The following WSCD2 variants were observed in gnomAD, a reference collection of about 807,000 sequenced individuals.
WSCD2 encodes sialate:O-sulfotransferase 2.
A neutral mutation model predicts 55.7 loss-of-function variants in WSCD2; 28 were observed. The observed-to-expected ratio is 0.50, with a 90% CI of 0.37 to 0.69. WSCD2 has a LOEUF of 0.69. Ranked by LOEUF, WSCD2 falls within the 30% of genes least tolerant of loss-of-function variation. The pLI, the probability that WSCD2 is intolerant of heterozygous loss-of-function variation, is 0.00. For synonymous variants in WSCD2, 301 were observed against 301.9 expected (o/e 1.00, Z 0.03); for missense variants, 616 against 762.1 (o/e 0.81, Z 2.26).
chr12:108,139,602 C>G (rs988642063), intron 1 of WSCD2, among the ~76,000 whole-genome samples: 1 of 152,214 alleles, frequency 6.6e-6, no homozygotes, highest in Non-Finnish European at 1.5e-5. Context: ...GGACAAGTGT[C>G]TTAACCCCTG....
At chr12:108,160,469 G>A (rs909088411) in intron 1 of WSCD2, among the ~76,000 whole-genome samples, 32 of 152,158 alleles carry the variant, frequency 2.1e-4, no homozygotes, top group African/African-American at 7.2e-4. Context: ...TACAGTCATA[G>A]CAGAAGGCAA....
At chr12:108,138,732 C>T (rs338166) in intron 1 of WSCD2, among the ~76,000 whole-genome samples, 75,101 of 152,128 alleles carry the variant, frequency 0.49, 19,714 homozygotes, top group East Asian at 0.81. Flanking sequence ...AATAAGTTTT[C>T]TCTTTGAACT....
At position 108,248,313 on chromosome 12, in the gene WSCD2, G is replaced by A. The variant is rs368931933; in HGVS notation, c.1668G>A (p.Thr556=). The change falls in exon 9 of 9, where the codon ACG becomes ACA. Residue 556 remains threonine (T), a synonymous_variant. Coordinates refer to ENST00000547525, the MANE Select transcript of WSCD2 (RefSeq NM_014653.4). The surrounding 1 kb of genome is among the most constrained non-coding windows in gnomAD (Gnocchi z 4.3). ...VDAALKGRNL[T]GVPDDYYPR ...CAGCCCTCAAAGGGCGGAACCTAAC[G>A]GGTGTCCCCGATGACTACTACCCAA... 2.4e-5 allele frequency: 38 copies of A among 1,613,686 alleles called. No individual in the cohort carries two copies. Among genetic ancestry groups the A allele is most frequent in the African/African-American group, 1.2e-4 (9 of 74,930 alleles).
At position 108,248,325 on chromosome 12, in the gene WSCD2, T is replaced by A; in HGVS notation, c.1680T>A (p.Asp560Glu). The change falls in exon 9 of 9, where the codon GAT (aspartate) becomes GAA (glutamate). Residue 560 changes from aspartate to glutamate, a missense_variant. Physicochemically the swap from Asp to Glu is conservative, Grantham distance 45. This residue lies in a region of WSCD2 where 234 missense variants were observed against 264.6 expected (regional missense o/e 0.88). Coordinates refer to ENST00000547525, the MANE Select transcript of WSCD2 (RefSeq NM_014653.4). The surrounding 1 kb of genome is among the most constrained non-coding windows in gnomAD (Gnocchi z 4.3). The stretch of plus-strand genomic sequence containing the variant: ...GGCGGAACCTAACGGGTGTCCCCGA[T>A]GACTACTACCCAAGATGATGCGTCC... Reference protein sequence around the residue: ...LKGRNLTGVPDDYYPR With the variant: ...LKGRNLTGVPEDYYPR The A allele has an allele frequency of 6.2e-7, 1 of 1,613,452 alleles. No individual in the cohort carries two copies.
chr12:108,217,333 T>C (rs1194516337), intron 4 of WSCD2, among the ~76,000 whole-genome samples: 1 of 152,186 alleles, frequency 6.6e-6, no homozygotes, highest in Non-Finnish European at 1.5e-5. Flanking sequence ...AGCCAAGAGA[T>C]TCCCTAGCCA....
chr12:108,190,527 G>A (rs370144922), intron 1 of WSCD2, among the ~76,000 whole-genome samples: 1 of 152,062 alleles, frequency 6.6e-6, no homozygotes, highest in African/African-American at 2.4e-5. Context: ...AACCTGGAAG[G>A]GGGAGGCATA....
chr12:108,133,081 G>A (rs935654969), intron 1 of WSCD2, among the ~76,000 whole-genome samples: 1 of 152,112 alleles, frequency 6.6e-6, no homozygotes, highest in African/African-American at 2.4e-5. Context: ...GTGGGTGTGT[G>A]ACTGTGTGTA....
intron 1 of WSCD2, among the ~76,000 whole-genome samples, chr12:108,147,771 T>C (rs1877555624): frequency 2.0e-5 from 3 of 151,628 alleles, no homozygotes; most frequent in Non-Finnish European, 2.9e-5. Flanking sequence ...CCCAGCTTCT[T>C]GGGGAGCTGA....
intron 1 of WSCD2, among the ~76,000 whole-genome samples, chr12:108,169,226 T>C (rs1293964822): frequency 6.6e-6 from 1 of 152,210 alleles, no homozygotes; most frequent in South Asian, 2.1e-4. Context: ...TGATTCTACA[T>C]TGTGGTGAAT....
chr12:108,151,000 C>G (rs1877942030), intron 1 of WSCD2, among the ~76,000 whole-genome samples: 1 of 151,972 alleles, frequency 6.6e-6, no homozygotes, highest in Non-Finnish European at 1.5e-5. Context: ...ACGCCCTGGC[C>G]CCTTGGTGCC....
intron 7 of WSCD2, among the ~76,000 whole-genome samples, chr12:108,236,579 T>G (rs984036752): frequency 3.4e-5 from 5 of 146,442 alleles, no homozygotes; most frequent in African/African-American, 1.0e-4. Flanking sequence ...TCTCTCTCTC[T>G]CATTCTCTCT....
intron 4 of WSCD2, among the ~76,000 whole-genome samples, chr12:108,223,806 G>A (rs914916737): frequency 2.0e-5 from 3 of 152,184 alleles, no homozygotes; most frequent in African/African-American, 7.2e-5. Context: ...GACATTGGAA[G>A]CTAGGATAGA....
At position 108,227,174 on chromosome 12, in the gene WSCD2, G is replaced by A. The variant is rs1459657894; in HGVS notation, c.979+10G>A. On this transcript the variant is annotated intron_variant, in intron 6 of 8. Transcript: ENST00000547525. ...CAGACACAAGTCCAAGGTGAGCTAG[G>A]CCCTTCCCCAGTGGACCCCAGATGC... 3.7e-6 allele frequency: 6 copies of A among 1,609,576 alleles called. No individual in the cohort carries two copies. The highest frequency in any genetic ancestry group is 1.7e-5 in the Admixed American group (1 of 59,594).
At chr12:108,179,756 T>A (rs1317681874) in intron 1 of WSCD2, among the ~76,000 whole-genome samples, 1 of 152,248 alleles carries the variant, frequency 6.6e-6, no homozygotes, top group Non-Finnish European at 1.5e-5. Context: ...CTGCCACTTA[T>A]GACCTGCGTC....
intron 7 of WSCD2, among the ~76,000 whole-genome samples, chr12:108,239,190 CA>C (rs1889508897): frequency 6.6e-6 from 1 of 152,208 alleles, no homozygotes; most frequent in Non-Finnish European, 1.5e-5. Flanking sequence ...ATTCTCTCTG[CA>C]GTCACTCATA....
At chr12:108,245,065 T>C (rs1452328547) in intron 8 of WSCD2, among the ~76,000 whole-genome samples, 2 of 152,200 alleles carry the variant, frequency 1.3e-5, no homozygotes, top group Non-Finnish European at 2.9e-5. Flanking sequence ...TGTTTTTATG[T>C]AACAATTTCT....
chr12:108,208,195 T>C (rs765763746), intron 3 of WSCD2, among the ~76,000 whole-genome samples: 2 of 152,142 alleles, frequency 1.3e-5, no homozygotes, highest in African/African-American at 2.4e-5. Context: ...TCCCATCTGG[T>C]TGGGGAGATA....
At chr12:108,145,978 G>A (rs1451895025) in intron 1 of WSCD2, among the ~76,000 whole-genome samples, 1 of 152,148 alleles carries the variant, frequency 6.6e-6, no homozygotes, top group Non-Finnish European at 1.5e-5. Context: ...TAAAAACAAG[G>A]AAGAAATTAC....
In WSCD2 at chr12:108,224,800, C is replaced by T. The variant is rs570091541; in HGVS notation, c.744C>T (p.Pro248=). The part of the protein sequence containing the change: ...RRPDNLSLAL[P]VTAAMLNMSV... ...CCGACAACCTTTCCCTGGCCTTACC[C>T]GTGACAGCTGCCATGCTGAACATGT... The change falls in exon 5 of 9, where the codon CCC becomes CCT. Residue 248 remains proline, a synonymous_variant. Coordinates refer to ENST00000547525, the MANE Select transcript of WSCD2 (RefSeq NM_014653.4). The T allele has an allele frequency of 1.5e-5, 25 of 1,613,612 alleles. No individual in the cohort carries two copies. Among genetic ancestry groups the T allele is most frequent in the African/African-American group, 1.3e-4 (10 of 74,944 alleles).
Sources: allele counts gnomAD v4.1 joint callset (sites outside exome capture counted in the v4.1 genomes callset), GRCh38; gene constraint gnomAD v4.1.1; regional missense constraint gnomAD v4.1.1; non-coding constraint Gnocchi (gnomAD v3.1); transcripts MANE v1.5; gene names NCBI Gene and HGNC (gene_info 2026-07-23, HGNC 2026-07-21).